The following DLG2 variants were observed in gnomAD, a reference collection of about 807,000 sequenced individuals.
The protein encoded by DLG2 is disks large homolog 2.
A neutral mutation model predicts 132.5 loss-of-function variants in DLG2; 45 were observed. The observed-to-expected ratio is 0.34, with a 90% CI of 0.27 to 0.44. The LOEUF is 0.44. Ranked by LOEUF, DLG2 falls within the 20% of genes least tolerant of loss-of-function variation. The pLI is 1.00. For synonymous variants in DLG2, 424 were observed against 419.6 expected (o/e 1.01, Z -0.13); for missense variants, 1,045 against 1,196.9 (o/e 0.87, Z 1.87).
At chr11:85,355,657 A>AT (rs1402227106) in intron 3 of DLG2, among the ~76,000 whole-genome samples, 1 of 152,152 alleles carries the variant, frequency 6.6e-6, no homozygotes, top group Non-Finnish European at 1.5e-5. Flanking sequence ...AAAAGGACTA[A>AT]TTTTTTATTT....
intron 6 of DLG2, among the ~76,000 whole-genome samples, chr11:84,741,198 C>T (rs1033302193): frequency 3.3e-5 from 5 of 150,966 alleles, no homozygotes; most frequent in African/African-American, 1.2e-4. Context: ...TCCCGAGTAG[C>T]TGGGACTACA....
At position 85,254,089 on chromosome 11, in the gene DLG2, C is replaced by T. The variant is rs150830997; in HGVS notation, c.186+31131G>A. On this transcript the variant is annotated intron_variant, in intron 4 of 27. Coordinates refer to ENST00000376104, the MANE Select transcript of DLG2 (RefSeq NM_001142699.3). ...GGATGTAAATTCTCACTTTGGGCCA[C>T]AGTGCCAGGCTTTTTGGCTTGAGGG... 4.9e-4 allele frequency among the ~76,000 whole-genome samples: 74 copies of T among 152,326 alleles called. 1 individual carries two copies. The highest frequency in any genetic ancestry group is 1.2e-3 in the Admixed American group (19 of 15,300).
At chr11:83,587,070 T>G (rs1489452640) in intron 19 of DLG2, among the ~76,000 whole-genome samples, 1 of 152,234 alleles carries the variant, frequency 6.6e-6, no homozygotes, top group East Asian at 1.9e-4. Context: ...GGTGTTGTGA[T>G]GATTACATGA....
chr11:84,730,792 GTCACAA>G, intron 6 of DLG2, among the ~76,000 whole-genome samples: 1 of 152,078 alleles, frequency 6.6e-6, no homozygotes, highest in African/African-American at 2.4e-5. Context: ...ACTCTATTAT[GTCACAA>G]GAAGGGGCCC....
chr11:83,722,435 G>A (rs1326771746), intron 18 of DLG2, among the ~76,000 whole-genome samples: 1 of 152,174 alleles, frequency 6.6e-6, no homozygotes, highest in Non-Finnish European at 1.5e-5. Context: ...GGAGTTGTGG[G>A]AAGTAAATTT....
At chr11:85,284,824 A>G (rs2078454566) in intron 4 of DLG2, among the ~76,000 whole-genome samples, 1 of 150,990 alleles carries the variant, frequency 6.6e-6, no homozygotes, top group South Asian at 2.1e-4. Flanking sequence ...ACTTCAACTG[A>G]TCATTTTATA....
At chr11:84,227,374 G>T (rs1241214683) in intron 8 of DLG2, among the ~76,000 whole-genome samples, 2 of 152,078 alleles carry the variant, frequency 1.3e-5, no homozygotes, top group Non-Finnish European at 2.9e-5. Flanking sequence ...ACACACAATG[G>T]ATATGAAGGA....
chr11:84,059,187 AGG>A, intron 11 of DLG2, 126 bp downstream of exon 11: 1 of 848,628 alleles, frequency 1.2e-6, no homozygotes, highest in South Asian at 1.7e-5. Flanking sequence ...CCACTACTGT[AGG>A]ATTTTAAATC....
chr11:84,832,810 T>A (rs560787899), intron 6 of DLG2, among the ~76,000 whole-genome samples: 27 of 151,614 alleles, frequency 1.8e-4, no homozygotes, highest in African/African-American at 6.3e-4. Flanking sequence ...CAGAAAGCAA[T>A]TCCCCCCTCC....
At chr11:84,823,002 C>T (rs1180849599) in intron 6 of DLG2, among the ~76,000 whole-genome samples, 2 of 151,752 alleles carry the variant, frequency 1.3e-5, no homozygotes, top group Non-Finnish European at 2.9e-5. Flanking sequence ...AATAGCAGCA[C>T]ATATAAAAGT....
chr11:84,109,149 C>T (rs2093177493), intron 9 of DLG2, among the ~76,000 whole-genome samples: 2 of 152,082 alleles, frequency 1.3e-5, no homozygotes, highest in African/African-American at 4.8e-5. Flanking sequence ...TCATTTAGTG[C>T]TTGCTATATA....
chr11:83,734,707 T>A (rs2091649206), intron 18 of DLG2, among the ~76,000 whole-genome samples: 1 of 152,200 alleles, frequency 6.6e-6, no homozygotes, highest in East Asian at 1.9e-4. Context: ...TGCCTTGGAC[T>A]CCCAAAGTGC....
intron 16 of DLG2, among the ~76,000 whole-genome samples, chr11:83,845,130 C>A (rs554397073): frequency 5.1e-4 from 78 of 152,080 alleles, no homozygotes; most frequent in African/African-American, 1.8e-3. Context: ...GTCTATTACC[C>A]GTGGAAGTCA....
At chr11:84,071,811 C>T (rs367881728) in intron 10 of DLG2, among the ~76,000 whole-genome samples, 1 of 152,136 alleles carries the variant, frequency 6.6e-6, no homozygotes. Flanking sequence ...AGAAGTCACA[C>T]AATGGATATT....
chr11:83,922,332 G>A (rs1326783631), intron 15 of DLG2, among the ~76,000 whole-genome samples: 1 of 151,970 alleles, frequency 6.6e-6, no homozygotes, highest in African/African-American at 2.4e-5. Context: ...TGTCACTCTG[G>A]GAGTCAATTA....
rs373655103 is a variant in DLG2, at chr11:85,188,007, A to G, written c.187-33356T>C. On this transcript the variant is annotated intron_variant, in intron 4 of 27. Coordinates refer to ENST00000376104, the MANE Select transcript of DLG2 (RefSeq NM_001142699.3). ...ACCCTGCTGATGGGAAAGTCTTAAA[A>G]CTGTTCAGGAGAGATTAGAGAAGGC... Among the ~76,000 whole-genome samples, 16 of 152,160 alleles carry G rather than the reference A, an allele frequency of 1.1e-4. No homozygotes were observed. The East Asian group carries it at 1.2e-3, about 11-fold the overall frequency.
At chr11:83,763,013 T>C (rs1246490250) in intron 18 of DLG2, among the ~76,000 whole-genome samples, 5 of 152,202 alleles carry the variant, frequency 3.3e-5, no homozygotes, top group Non-Finnish European at 2.9e-5. Flanking sequence ...GGTTGGCTTT[T>C]TGAGCAGCAA....
At chr11:84,878,065 G>A (rs888113577) in intron 6 of DLG2, among the ~76,000 whole-genome samples, 3 of 152,160 alleles carry the variant, frequency 2.0e-5, no homozygotes, top group African/African-American at 7.2e-5. Flanking sequence ...GGAAACAACA[G>A]ATGCTGGAGA....
intron 6 of DLG2, among the ~76,000 whole-genome samples, chr11:84,716,752 CT>C (rs889052117): frequency 3.2e-4 from 47 of 146,712 alleles, no homozygotes; most frequent in Non-Finnish European, 5.0e-4. Flanking sequence ...AATAGAAAAT[CT>C]TTTTTTTTGG....
Sources: allele counts gnomAD v4.1 joint callset (sites outside exome capture counted in the v4.1 genomes callset), GRCh38; gene constraint gnomAD v4.1.1; transcripts MANE v1.5; gene names NCBI Gene and HGNC (gene_info 2026-07-23, HGNC 2026-07-21).